Variants in SGMS1 observed in about 807,000 individuals in gnomAD.
SGMS1 encodes the protein phosphatidylcholine:ceramide cholinephosphotransferase 1.
Under a neutral mutation model 46.2 loss-of-function variants are expected in SGMS1, and 13 were observed. The observed-to-expected ratio is 0.28, with a 90% CI of 0.18 to 0.45. SGMS1 has a LOEUF of 0.45. Ranked by LOEUF, SGMS1 falls within the 20% of genes least tolerant of loss-of-function variation. SGMS1 has a pLI of 1.00. For missense variants in SGMS1, 324 were observed against 519.9 expected (o/e 0.62, Z 3.66); for synonymous variants, 203 against 187.8 (o/e 1.08, Z -0.66).
intron 1 of SGMS1, among the ~76,000 whole-genome samples, chr10:50,615,423 T>C (rs1838787485): frequency 6.6e-6 from 1 of 152,186 alleles, no homozygotes; most frequent in Non-Finnish European, 1.5e-5. Context: ...GTCCCCACAA[T>C]AACCCTGTAA....
chr10:50,621,318 T>C (rs1838848003), intron 1 of SGMS1, among the ~76,000 whole-genome samples: 1 of 152,162 alleles, frequency 6.6e-6, no homozygotes, highest in East Asian at 1.9e-4. Flanking sequence ...ATTAATAAAT[T>C]TAACCAGAAA....
chr10:50,336,902 C>T (rs1847725333), intron 7 of SGMS1, among the ~76,000 whole-genome samples: 2 of 152,122 alleles, frequency 1.3e-5, no homozygotes, highest in Admixed American at 6.5e-5. Flanking sequence ...TAGTTTGGAA[C>T]CTGCCTCTTG....
chr10:50,459,793 G>A (rs1740761), intron 5 of SGMS1: 25,838 of 152,252 alleles, frequency 0.17, 2,862 homozygotes, highest in Non-Finnish European at 0.25. Flanking sequence ...CAGACTCAGT[G>A]CTGAATCCCA....
intron 3 of SGMS1, among the ~76,000 whole-genome samples, chr10:50,489,835 G>A (rs964193278): frequency 2.6e-5 from 4 of 152,106 alleles, no homozygotes; most frequent in East Asian, 1.9e-4. Context: ...TTAGCTGGGC[G>A]TGGTGGCAGG....
intron 1 of SGMS1, among the ~76,000 whole-genome samples, chr10:50,615,371 G>A (rs1259013125): frequency 6.6e-6 from 1 of 152,202 alleles, no homozygotes; most frequent in Non-Finnish European, 1.5e-5. Context: ...TTATGTTGTG[G>A]TTACCATGCC....
At position 50,306,460 on chromosome 10, in the gene SGMS1, G is replaced by A. The variant is rs1047792210; in HGVS notation, c.*682C>T. The stretch of plus-strand genomic sequence containing the variant: ...TTTAAATTTTAACTCTCTTCTCTCT[G>A]ACATGTTAAAAATCTTTAAATTTGG... On this transcript the variant is annotated 3_prime_UTR_variant, in exon 11 of 11. Coordinates refer to ENST00000361781, the MANE Select transcript of SGMS1 (RefSeq NM_147156.4). 1 of 152,602 alleles carries A rather than the reference G, an allele frequency of 6.6e-6. No individual in the cohort carries two copies. The highest frequency in any genetic ancestry group is 1.5e-5 in the Non-Finnish European group (1 of 68,002). The allele number at this position is 152,602 out of a possible 1,614,324, so 9.5% of individuals were successfully genotyped here.
intron 5 of SGMS1, among the ~76,000 whole-genome samples, chr10:50,434,479 G>T (rs1849447508): frequency 6.6e-6 from 1 of 152,058 alleles, no homozygotes; most frequent in African/African-American, 2.4e-5. Flanking sequence ...ATGCACTGAG[G>T]TACCATGAGA....
intron 8 of SGMS1, among the ~76,000 whole-genome samples, chr10:50,322,937 A>C (rs2133304034): frequency 6.6e-6 from 1 of 152,164 alleles, no homozygotes; most frequent in Middle Eastern, 3.4e-3. Context: ...GGGCTAATCA[A>C]GGTATCAAAA....
At position 50,343,472 on chromosome 10, in the gene SGMS1, A is replaced by G. The variant is rs1211772265; in HGVS notation, c.623+20T>C. 2.0e-5 allele frequency: 32 copies of G among 1,564,168 alleles called. No homozygotes were observed. The highest frequency in any genetic ancestry group is 2.7e-5 in the Non-Finnish European group (31 of 1,159,516). On this transcript the variant is annotated intron_variant, in intron 7 of 10. Coordinates refer to ENST00000361781, the MANE Select transcript of SGMS1 (RefSeq NM_147156.4). ...GCAAATCCCATAATCATTGAATCTT[A>G]GAGCTTTTACTTGACTTACTTGTAT... is the stretch of plus-strand genomic sequence containing the variant.
At chr10:50,443,377 C>G (rs1316522246) in intron 5 of SGMS1, among the ~76,000 whole-genome samples, 1 of 151,558 alleles carries the variant, frequency 6.6e-6, no homozygotes, top group African/African-American at 2.4e-5. Flanking sequence ...AAAATAACAA[C>G]AACAACAAAA....
At chr10:50,450,907 A>C (rs974366017) in intron 5 of SGMS1, among the ~76,000 whole-genome samples, 10 of 151,918 alleles carry the variant, frequency 6.6e-5, no homozygotes, top group Non-Finnish European at 1.2e-4. Context: ...AAAAATACAA[A>C]CAACTGTTAA....
At chr10:50,498,339 T>G (rs971986403) in intron 3 of SGMS1, among the ~76,000 whole-genome samples, 18 of 152,230 alleles carry the variant, frequency 1.2e-4, no homozygotes, top group Non-Finnish European at 2.4e-4. Flanking sequence ...ATAACATAAT[T>G]TATCACCTTA....
chr10:50,461,625 C>G (rs1837265570), intron 4 of SGMS1, among the ~76,000 whole-genome samples: 1 of 152,132 alleles, frequency 6.6e-6, no homozygotes, highest in South Asian at 2.1e-4. Context: ...TAAGCCTGTT[C>G]TATCCCTCCC....
At chr10:50,355,740 T>C (rs1017870253) in intron 6 of SGMS1, among the ~76,000 whole-genome samples, 3 of 150,970 alleles carry the variant, frequency 2.0e-5, no homozygotes, top group African/African-American at 7.3e-5. Flanking sequence ...GCCCATCGTC[T>C]GGGATGTGAG....
intron 3 of SGMS1, among the ~76,000 whole-genome samples, chr10:50,509,934 A>G (rs926751569): frequency 2.6e-5 from 4 of 152,188 alleles, no homozygotes; most frequent in East Asian, 1.9e-4. Flanking sequence ...CAGTAATCCA[A>G]TCTTTTAAGT....
chr10:50,359,491 T>C (rs1482134088), intron 6 of SGMS1, among the ~76,000 whole-genome samples: 1 of 152,138 alleles, frequency 6.6e-6, no homozygotes, highest in Non-Finnish European at 1.5e-5. Context: ...CTGTATACCA[T>C]GGACATGTTT....
Position 50,448,905 on chromosome 10 carries a change from T to C in SGMS1, c.-313+11768A>G, listed in dbSNP as rs550122391. Among the ~76,000 whole-genome samples the C allele has an allele frequency of 1.6e-4, 25 of 152,248 alleles. No individual in the cohort carries two copies. The East Asian group carries it at 4.6e-3, about 28-fold the overall frequency. ...TGATTTAAAAATGGGCTGAAGACCT[T>C]AATGGAGAAATCACCAAAGAAGACT... On this transcript the variant is annotated intron_variant, in intron 5 of 10. Coordinates refer to ENST00000361781, the MANE Select transcript of SGMS1 (RefSeq NM_147156.4).
rs150237894 is a variant in SGMS1 at position 50,572,588 on chromosome 10, T to C, written c.-589+17565A>G. On this transcript the variant is annotated intron_variant, in intron 2 of 10. Coordinates refer to ENST00000361781, the MANE Select transcript of SGMS1 (RefSeq NM_147156.4). Reference sequence around the variant, plus strand: ...ACCCCAGCAGCTACACAATCATCTGTTTTGTACACTGAGTTTTTGCATAAG... The same window carrying C: ...ACCCCAGCAGCTACACAATCATCTGCTTTGTACACTGAGTTTTTGCATAAG... Among the ~76,000 whole-genome samples, 14 of 152,244 alleles carry C rather than the reference T, an allele frequency of 9.2e-5. No individual in the cohort carries two copies. The East Asian group carries it at 2.7e-3, about 29-fold the overall frequency.
chr10:50,528,433 C>T (rs1178125643), intron 2 of SGMS1, among the ~76,000 whole-genome samples: 2 of 152,204 alleles, frequency 1.3e-5, no homozygotes, highest in Non-Finnish European at 2.9e-5. Context: ...TGATTGACTC[C>T]AGGTCACACT....
Sources: allele counts gnomAD v4.1 joint callset (sites outside exome capture counted in the v4.1 genomes callset), GRCh38; gene constraint gnomAD v4.1.1; transcripts MANE v1.5; gene names NCBI Gene and HGNC (gene_info 2026-07-23, HGNC 2026-07-21).